Variants in NRF1 observed in about 807,000 individuals in gnomAD.
The protein encoded by NRF1 is alpha palindromic-binding protein.
In NRF1, 5 loss-of-function variants were observed where a neutral mutation model predicts 58.5. The ratio of observed to expected loss-of-function variants is 0.09; its 90% CI spans 0.04 to 0.18. NRF1 has a LOEUF of 0.18. NRF1 is among the 10% of genes least tolerant of loss of function. The pLI is 1.00. For missense variants in NRF1, 288 were observed against 657.7 expected (o/e 0.44, Z 6.15); for synonymous variants, 224 against 246.7 (o/e 0.91, Z 0.86).
At chr7:129,688,802 G>A (rs1045853944) in intron 4 of NRF1, among the ~76,000 whole-genome samples, 3 of 152,056 alleles carry the variant, frequency 2.0e-5, no homozygotes, top group African/African-American at 7.2e-5. Context: ...GAACAACATG[G>A]GAGAAACTGC....
chr7:129,628,517 A>G (rs1405342942), intron 1 of NRF1, among the ~76,000 whole-genome samples: 1 of 152,232 alleles, frequency 6.6e-6, no homozygotes, highest in Non-Finnish European at 1.5e-5. Flanking sequence ...CAACTTTTTC[A>G]AAACAGAACA....
intron 2 of NRF1, among the ~76,000 whole-genome samples, chr7:129,661,528 A>G (rs1801780188): frequency 6.6e-6 from 1 of 150,956 alleles, no homozygotes. Flanking sequence ...CTCAAGTTCA[A>G]AGTTCCACAA....
intron 4 of NRF1, among the ~76,000 whole-genome samples, chr7:129,678,973 G>A (rs1403671466): frequency 1.3e-5 from 2 of 152,072 alleles, no homozygotes; most frequent in African/African-American, 4.8e-5. Context: ...GACTGACATT[G>A]ATAAATACAG....
intron 10 of NRF1, among the ~76,000 whole-genome samples, chr7:129,730,976 C>CAA (rs60913727): frequency 1.0e-4 from 13 of 125,130 alleles, no homozygotes; most frequent in South Asian, 2.6e-4. Context: ...GACCCTGTCT[C>CAA]AAAAAAAAAA....
At position 129,661,913 on chromosome 7, in the gene NRF1, G is replaced by C. The variant is rs904720751; in HGVS notation, c.223+4339G>C. Among the ~76,000 whole-genome samples the C allele has an allele frequency of 4.0e-5, 6 of 150,682 alleles. No homozygotes were observed. The South Asian group carries it at 6.2e-4, about 16-fold the overall frequency. ...CATACTCAAGACTGGGAAGAAAAGA[G>C]GTTTCGGTGGACTTACAGATCTATG... On this transcript the variant is annotated intron_variant, in intron 2 of 10. Transcript: ENST00000393232.
intron 1 of NRF1, among the ~76,000 whole-genome samples, chr7:129,622,594 A>G (rs893971557): frequency 5.5e-5 from 8 of 144,258 alleles, no homozygotes; most frequent in African/African-American, 1.8e-4. Context: ...TTTTGAGACA[A>G]TGTCTCGCTC....
In NRF1 at chr7:129,709,091, T is replaced by C; in HGVS notation, c.623T>C (p.Phe208Ser). Residue 208 changes from phenylalanine (F) to serine (S), a missense_variant, in exon 6 of 11, where the codon TTT (phenylalanine) becomes TCT (serine). Phe to Ser is a radical substitution (Grantham distance 155). Coordinates refer to ENST00000393232, the MANE Select transcript of NRF1 (RefSeq NM_005011.5). ...DKMTQAQLRA[F>S]IPEMLKYSTG... is the part of the protein sequence containing the mutation. ...CTCTTCCAGGCCCAGCTTCGGGCAT[T>C]TATCCCAGAGATGCTCAAGTACTCT... The C allele has an allele frequency of 6.4e-7, 1 of 1,561,654 alleles. No homozygotes were observed. The highest frequency in any genetic ancestry group is 1.2e-5 in the South Asian group (1 of 82,776).
At chr7:129,695,115 T>A (rs1010954881) in intron 5 of NRF1, among the ~76,000 whole-genome samples, 3 of 152,202 alleles carry the variant, frequency 2.0e-5, no homozygotes, top group African/African-American at 7.2e-5. Context: ...TAGCATTTTT[T>A]ATATACTGTA....
chr7:129,620,542 C>T (rs1360265600), intron 1 of NRF1, among the ~76,000 whole-genome samples: 4 of 152,088 alleles, frequency 2.6e-5, no homozygotes, highest in African/African-American at 7.2e-5. Flanking sequence ...GCGCCTGCCA[C>T]CATGCCCAGC....
intron 5 of NRF1, among the ~76,000 whole-genome samples, chr7:129,705,999 G>A (rs1408638671): frequency 6.6e-6 from 1 of 152,106 alleles, no homozygotes; most frequent in Non-Finnish European, 1.5e-5. Context: ...AAAGAATGTA[G>A]GACTTTTCTG....
intron 10 of NRF1, among the ~76,000 whole-genome samples, chr7:129,745,190 G>A (rs1803943826): frequency 6.6e-6 from 1 of 152,080 alleles, no homozygotes. Flanking sequence ...GGTGCACTCT[G>A]CATATTGCCA....
chr7:129,713,760 C>T (rs894909123), intron 8 of NRF1, among the ~76,000 whole-genome samples: 16 of 152,366 alleles, frequency 1.1e-4, no homozygotes, highest in African/African-American at 3.6e-4. Context: ...GAGAGGCTCT[C>T]ATCTGGACTT....
chr7:129,713,159 C>T (rs1415603243), intron 8 of NRF1, among the ~76,000 whole-genome samples: 5 of 147,934 alleles, frequency 3.4e-5, no homozygotes, highest in Non-Finnish European at 5.9e-5. Flanking sequence ...TGTAGTGGCA[C>T]GATCTCAGCT....
chr7:129,698,335 G>A (rs1366029036), intron 5 of NRF1, among the ~76,000 whole-genome samples: 1 of 104,742 alleles, frequency 9.5e-6, no homozygotes, highest in African/African-American at 3.8e-5. Context: ...ATTTTGGCAG[G>A]GGGGTGGGGG....
chr7:129,735,396 G>A (rs2116277305), intron 10 of NRF1: 1 of 207,424 alleles, frequency 4.8e-6, no homozygotes, highest in East Asian at 1.8e-4. Context: ...CGGGCGTGGT[G>A]GCACACGCCT....
At chr7:129,659,012 A>G (rs775733125) in intron 2 of NRF1, among the ~76,000 whole-genome samples, 6 of 151,510 alleles carry the variant, frequency 4.0e-5, no homozygotes, top group Non-Finnish European at 5.9e-5. Context: ...CTACACATCA[A>G]GATGCTAGAA....
chr7:129,701,746 A>G (rs1802830965), intron 5 of NRF1, among the ~76,000 whole-genome samples: 1 of 152,246 alleles, frequency 6.6e-6, no homozygotes, highest in African/African-American at 2.4e-5. Flanking sequence ...TGTTAAATCC[A>G]TATACCCTTT....
At chr7:129,614,745 C>T (rs1288005548) in intron 1 of NRF1, among the ~76,000 whole-genome samples, 1 of 152,172 alleles carries the variant, frequency 6.6e-6, no homozygotes, top group African/African-American at 2.4e-5. Flanking sequence ...AGGTTTCCTT[C>T]TGAATTCCTG....
At chr7:129,644,356 A>G (rs1433025620) in intron 1 of NRF1, among the ~76,000 whole-genome samples, 3 of 151,672 alleles carry the variant, frequency 2.0e-5, no homozygotes, top group African/African-American at 4.9e-5. Context: ...AACGCTGACA[A>G]TCTTTATTTC....
Sources: gnomAD v4.1 joint callset for allele counts (sites outside exome capture counted in the v4.1 genomes callset) on GRCh38, gnomAD v4.1.1 for gene constraint, MANE v1.5 for transcripts, NCBI Gene and HGNC (gene_info 2026-07-23, HGNC 2026-07-21) for gene names.